Variants in MFHAS1 observed in about 807,000 individuals in gnomAD.
The protein encoded by MFHAS1 is malignant fibrous histiocytoma-amplified sequence 1.
MFHAS1 carries 50 observed loss-of-function variants against 70.4 expected under a neutral mutation model. That is an observed-to-expected ratio of 0.71 (90% CI 0.57 to 0.90). The LOEUF is 0.90. Ranked by LOEUF, MFHAS1 falls within the 40% of genes least tolerant of loss-of-function variation. MFHAS1 has a pLI of 0.00. For synonymous variants in MFHAS1, 952 were observed against 620.0 expected, an observed-to-expected ratio of 1.54 and a Z score of -7.96; for missense variants, 1,795 against 1,347.6, an observed-to-expected ratio of 1.33 and a Z score of -5.20.
intron 1 of MFHAS1, among the ~76,000 whole-genome samples, chr8:8,854,560 C>T (rs1808362065): frequency 6.6e-6 from 1 of 151,166 alleles, no homozygotes; most frequent in South Asian, 2.1e-4. Flanking sequence ...TGGTGCATGC[C>T]TCTAGTCCCA....
chr8:8,873,961 G>A (rs546845346), intron 1 of MFHAS1, among the ~76,000 whole-genome samples: 38 of 152,280 alleles, frequency 2.5e-4, no homozygotes, highest in African/African-American at 8.7e-4. Context: ...GAATTAAGCT[G>A]TGAAATGCGT....
chr8:8,853,740 G>C (rs543159836), intron 1 of MFHAS1, among the ~76,000 whole-genome samples: 3 of 152,080 alleles, frequency 2.0e-5, no homozygotes, highest in African/African-American at 7.2e-5. Flanking sequence ...CAAATTTTGT[G>C]TTTTTAGTAG....
Position 8,883,741 on chromosome 8 carries a change from C to CCCATGGATA in MFHAS1, c.2998+6311_2998+6319dup, listed in dbSNP as rs1321261190. On this transcript the variant is annotated intron_variant, in intron 1 of 2. Transcript: ENST00000276282. ...AAAAAAAAAAAAAAAAGAAAGGGCTCCCATGGATAGAAGCAAGTTAATAGG... is the reference window on the plus strand; with the variant it reads ...AAAAAAAAAAAAAAAAGAAAGGGCTCCCATGGATACCATGGATAGAAGCAAGTTAATAGG... Among the ~76,000 whole-genome samples the CCCATGGATA allele has an allele frequency of 4.2e-5, 6 of 143,894 alleles. No individual in the cohort carries two copies. The East Asian group carries it at 1.0e-3, about 25-fold the overall frequency. The allele number at this position is 143,894 out of a possible 152,430, so 94.4% of individuals were successfully genotyped here. A position where few individuals can be genotyped will look rare whatever the true frequency, so the allele number is the denominator to read the frequency against.
At chr8:8,814,928 G>C (rs1409791194) in intron 1 of MFHAS1, among the ~76,000 whole-genome samples, 3 of 150,462 alleles carry the variant, frequency 2.0e-5, no homozygotes, top group Non-Finnish European at 2.9e-5. Flanking sequence ...GGGTAAACGT[G>C]TGCCATGGGA....
intron 1 of MFHAS1, among the ~76,000 whole-genome samples, chr8:8,813,709 T>C (rs752151115): frequency 6.6e-6 from 1 of 152,194 alleles, no homozygotes; most frequent in Non-Finnish European, 1.5e-5. Flanking sequence ...AGTTAAAATA[T>C]TAAAAGTTTA....
At chr8:8,805,979 C>T (rs1047283548) in intron 1 of MFHAS1, among the ~76,000 whole-genome samples, 9 of 152,142 alleles carry the variant, frequency 5.9e-5, no homozygotes, top group Admixed American at 2.0e-4. Context: ...GGATTACAGG[C>T]GTGAGCCACT....
At chr8:8,858,359 C>T (rs1808523758) in intron 1 of MFHAS1, among the ~76,000 whole-genome samples, 2 of 151,984 alleles carry the variant, frequency 1.3e-5, no homozygotes, top group Non-Finnish European at 2.9e-5. Context: ...AAATATATAA[C>T]ATTATTACCC....
intron 1 of MFHAS1, among the ~76,000 whole-genome samples, chr8:8,814,550 T>C (rs955791300): frequency 6.6e-6 from 1 of 152,160 alleles, no homozygotes; most frequent in Non-Finnish European, 1.5e-5. Flanking sequence ...AAGCCTGTCA[T>C]GAAAGTTAAA....
chr8:8,819,467 T>C (rs1262960118), intron 1 of MFHAS1, among the ~76,000 whole-genome samples: 3 of 151,904 alleles, frequency 2.0e-5, no homozygotes, highest in East Asian at 1.9e-4. Context: ...TAGCCGGGCA[T>C]GGTGGCGGGT....
chr8:8,877,183 C>T (rs984426907), intron 1 of MFHAS1, among the ~76,000 whole-genome samples: 1 of 150,858 alleles, frequency 6.6e-6, no homozygotes, highest in Non-Finnish European at 1.5e-5. Context: ...ACCTGTAGTC[C>T]CAACTACTGG....
At chr8:8,850,834 ATC>A (rs1808220040) in intron 1 of MFHAS1, among the ~76,000 whole-genome samples, 1 of 132,328 alleles carries the variant, frequency 7.6e-6, no homozygotes. Flanking sequence ...AAAAAAAAAA[ATC>A]AGAACACCCA....
At chr8:8,864,175 T>C (rs952361386) in intron 1 of MFHAS1, among the ~76,000 whole-genome samples, 2 of 152,242 alleles carry the variant, frequency 1.3e-5, no homozygotes, top group Non-Finnish European at 2.9e-5. Flanking sequence ...TCAGCAGTGA[T>C]TGGCTTTCTG....
intron 1 of MFHAS1, among the ~76,000 whole-genome samples, chr8:8,820,177 C>T (rs1279726955): frequency 2.6e-5 from 4 of 152,054 alleles, no homozygotes; most frequent in Admixed American, 2.6e-4. Flanking sequence ...TAAAGATGTG[C>T]AAAGAAAAGA....
intron 1 of MFHAS1, among the ~76,000 whole-genome samples, chr8:8,809,472 C>T (rs1012465962): frequency 6.6e-6 from 1 of 152,070 alleles, no homozygotes; most frequent in African/African-American, 2.4e-5. Context: ...CCTCACTGAC[C>T]CTAAAAAGGT....
intron 1 of MFHAS1, among the ~76,000 whole-genome samples, chr8:8,801,265 A>T (rs1010085112): frequency 6.6e-6 from 1 of 152,164 alleles, no homozygotes; most frequent in Admixed American, 6.6e-5. Flanking sequence ...TTAAGCCTCC[A>T]TTATCAACTC....
At chr8:8,879,964 A>G (rs1036235327) in intron 1 of MFHAS1, among the ~76,000 whole-genome samples, 4 of 152,196 alleles carry the variant, frequency 2.6e-5, no homozygotes, top group Non-Finnish European at 5.9e-5. Flanking sequence ...TTTATCTTTA[A>G]AAAAAAGCTC....
At chr8:8,885,876 A>G (rs543124688) in intron 1 of MFHAS1, among the ~76,000 whole-genome samples, 51 of 152,212 alleles carry the variant, frequency 3.4e-4, no homozygotes, top group African/African-American at 1.2e-3. Context: ...TGCCCAGCTA[A>G]TTTTTTTGTA....
At chr8:8,888,155 C>G (rs147966180) in intron 1 of MFHAS1, among the ~76,000 whole-genome samples, 1,641 of 152,264 alleles carry the variant, frequency 0.011, 18 homozygotes, top group Middle Eastern at 0.02. Context: ...TGGAGTGTGA[C>G]AAGATTCCAG....
At chr8:8,832,673 G>C (rs1433111709) in intron 1 of MFHAS1, among the ~76,000 whole-genome samples, 1 of 130,216 alleles carries the variant, frequency 7.7e-6, no homozygotes, top group East Asian at 2.5e-4. Flanking sequence ...CTGTTGCCCA[G>C]GCTGGAGTGT....
Sources: allele counts gnomAD v4.1 joint callset (sites outside exome capture counted in the v4.1 genomes callset), GRCh38; gene constraint gnomAD v4.1.1; transcripts MANE v1.5; gene names NCBI Gene and HGNC (gene_info 2026-07-23, HGNC 2026-07-21).